Variants in EPAS1 observed in about 807,000 individuals in gnomAD.
EPAS1 encodes endothelial PAS domain protein 1, also known as endothelial PAS domain-containing protein 1.
Under a neutral mutation model 87.9 loss-of-function variants are expected in EPAS1, and 23 were observed. The ratio of observed to expected loss-of-function variants is 0.26; its 90% CI spans 0.19 to 0.37. The LOEUF is 0.37. Among genes scored for constraint, EPAS1 ranks in the 10% least tolerant of loss-of-function variants. EPAS1 has a pLI of 1.00. For synonymous variants in EPAS1, 508 were observed against 444.3 expected, an observed-to-expected ratio of 1.14 and a Z score of -1.80; for missense variants, 1,138 against 1,120.7, an observed-to-expected ratio of 1.02 and a Z score of -0.22.
At position 46,363,017 on chromosome 2, in the gene EPAS1, G is replaced by GTGGTGGTGGTGGTGGTGGTGATGA. The variant is rs1410002978; in HGVS notation, c.779+1929_779+1930insGTGGTGGTGGTGGTGGTGATGATG. Among the ~76,000 whole-genome samples the GTGGTGGTGGTGGTGGTGGTGATGA allele has an allele frequency of 7.4e-4, 107 of 144,362 alleles. 2 individuals carry two copies. The highest frequency in any genetic ancestry group is 2.5e-3 in the African/African-American group (98 of 38,440). The allele number at this position is 144,362 out of a possible 152,430, so 94.7% of individuals were successfully genotyped here. A position where few individuals can be genotyped will look rare whatever the true frequency, so the allele number is the denominator to read the frequency against. The stretch of plus-strand genomic sequence containing the variant: ...GGTGGTGGTGGTGGTGGTGGTGGTG[G>GTGGTGGTGGTGGTGGTGGTGATGA]TGATAATGATGGTGGTTCAAGAAGA... On this transcript the variant is annotated intron_variant, in intron 6 of 15. Coordinates refer to ENST00000263734, the MANE Select transcript of EPAS1 (RefSeq NM_001430.5).
chr2:46,366,048 G>A (rs960413685), intron 6 of EPAS1, among the ~76,000 whole-genome samples: 5 of 152,236 alleles, frequency 3.3e-5, no homozygotes, highest in Admixed American at 3.3e-4. Flanking sequence ...CTTTACTCGT[G>A]TAGGGAACAG....
At chr2:46,348,341 C>A (rs1395514112) in intron 2 of EPAS1, among the ~76,000 whole-genome samples, 1 of 152,158 alleles carries the variant, frequency 6.6e-6, no homozygotes, top group East Asian at 1.9e-4. Context: ...GTGGGCTGAG[C>A]CCTGGCAAGG....
intron 4 of EPAS1, among the ~76,000 whole-genome samples, chr2:46,358,695 T>C (rs979341222): frequency 6.6e-6 from 1 of 152,240 alleles, no homozygotes; most frequent in African/African-American, 2.4e-5. Context: ...TGAGTAGAAC[T>C]TTAGATCTCT....
At position 46,375,940 on chromosome 2, in the gene EPAS1, G is replaced by T; in HGVS notation, c.1034+103G>T. The stretch of plus-strand genomic sequence containing the variant: ...CCTAGGAGATGCCAGGCCTCTCAGC[G>T]CCCTGGGCACCACCTCAGGGAGGTC... On this transcript the variant is annotated intron_variant, in intron 8 of 15. Coordinates refer to ENST00000263734, the MANE Select transcript of EPAS1 (RefSeq NM_001430.5). The surrounding 1 kb of genome is among the most constrained non-coding windows in gnomAD (Gnocchi z 4.1). The T allele has an allele frequency of 6.7e-7, 1 of 1,503,742 alleles. No individual in the cohort carries two copies. The highest frequency in any genetic ancestry group is 9.2e-7 in the Non-Finnish European group (1 of 1,084,434). 93.1% of individuals were successfully genotyped at this position (1,503,742 alleles called of 1,614,324 possible).
chr2:46,339,923 A>C (rs1455291397), intron 1 of EPAS1, among the ~76,000 whole-genome samples: 1 of 152,150 alleles, frequency 6.6e-6, no homozygotes, highest in Non-Finnish European at 1.5e-5. Flanking sequence ...GTCATGAGTT[A>C]ATCACCTCCC....
rs998276660 is a variant in EPAS1, at chr2:46,300,296, C to A, written c.26+2359C>A. Among the ~76,000 whole-genome samples the A allele has an allele frequency of 6.6e-6, 1 of 152,190 alleles. No individual in the cohort carries two copies. The highest frequency in any genetic ancestry group is 2.4e-5 in the African/African-American group (1 of 41,432). On this transcript the variant is annotated intron_variant, in intron 1 of 15. Coordinates refer to ENST00000263734, the MANE Select transcript of EPAS1 (RefSeq NM_001430.5). The surrounding 1 kb of genome is among the most constrained non-coding windows in gnomAD (Gnocchi z 4.1). ...AGGGGGCTCTCTGCTGATGATTCTGCCCACTAGTTCTTACATTTTGTGTTT... is the reference window on the plus strand; with the variant it reads ...AGGGGGCTCTCTGCTGATGATTCTGACCACTAGTTCTTACATTTTGTGTTT...
chr2:46,300,088 C>G lies in EPAS1; in HGVS notation c.26+2151C>G, dbSNP rs1466201680. Among the ~76,000 whole-genome samples, 1 of 149,564 alleles carries G rather than the reference C, an allele frequency of 6.7e-6. No homozygotes were observed. Among genetic ancestry groups the G allele is most frequent in the Non-Finnish European group, 1.5e-5 (1 of 68,032 alleles). On this transcript the variant is annotated intron_variant, in intron 1 of 15. Transcript: ENST00000263734. This position sits in a 1 kb window ranked among gnomAD's most constrained non-coding sequence, Gnocchi z 4.1. ...AGCCCCTTAAGGGGTTGTCCAATTC[C>G]TATTGGGCTAATCAGTTTGAGACTC...
intron 2 of EPAS1, 142 bp from the exon 3 acceptor site, chr2:46,356,009 C>T (rs1684261982): frequency 5.7e-6 from 5 of 872,950 alleles, no homozygotes; most frequent in South Asian, 1.4e-5. Context: ...CGGAGGCAGA[C>T]ATTCAGATGG....
intron 12 of EPAS1, 148 bp from the exon 13 acceptor site, chr2:46,381,448 G>T: frequency 7.7e-7 from 1 of 1,296,466 alleles, no homozygotes; most frequent in Non-Finnish European, 1.1e-6. Context: ...GCCTGCAGGT[G>T]CACAGCCTGC....
chr2:46,359,632 CAT>C (rs1684348289), intron 4 of EPAS1, among the ~76,000 whole-genome samples: 1 of 152,160 alleles, frequency 6.6e-6, no homozygotes, highest in South Asian at 2.1e-4. Flanking sequence ...TCCTTTGACA[CAT>C]AACTCTTCAG....
intron 6 of EPAS1, among the ~76,000 whole-genome samples, chr2:46,365,090 T>A (rs545886121): frequency 6.6e-6 from 1 of 152,352 alleles, no homozygotes; most frequent in East Asian, 1.9e-4. Flanking sequence ...AAGAGGTAAC[T>A]GTGAAGGAAG....
intron 1 of EPAS1, among the ~76,000 whole-genome samples, chr2:46,324,198 C>T (rs1370821364): frequency 6.6e-6 from 1 of 152,184 alleles, no homozygotes; most frequent in African/African-American, 2.4e-5. Flanking sequence ...TCCTGAGTAG[C>T]TGGGACTACA....
In EPAS1 at chr2:46,375,594, C is replaced by G; in HGVS notation, c.887-96C>G. 6.8e-7 allele frequency: 1 copy of G among 1,473,400 alleles called. No individual in the cohort carries two copies. Among genetic ancestry groups the G allele is most frequent in the South Asian group, 1.2e-5 (1 of 82,520 alleles). 91.3% of individuals were successfully genotyped at this position (1,473,400 alleles called of 1,614,324 possible). A position where few individuals can be genotyped will look rare whatever the true frequency, so the allele number is the denominator to read the frequency against. On this transcript the variant is annotated intron_variant, in intron 7 of 15. Transcript: ENST00000263734. The surrounding 1 kb of genome is among the most constrained non-coding windows in gnomAD (Gnocchi z 4.1). ...GTGGCGCCCTGTTCTGTCTGTTCCCCTGCAGATTAGACTGCCCTCCCATGC... is the reference window on the plus strand; with the variant it reads ...GTGGCGCCCTGTTCTGTCTGTTCCCGTGCAGATTAGACTGCCCTCCCATGC...
At chr2:46,354,974 T>A (rs145743090) in intron 2 of EPAS1, among the ~76,000 whole-genome samples, 3 of 152,124 alleles carry the variant, frequency 2.0e-5, no homozygotes, top group Admixed American at 2.0e-4. Context: ...TGAAATCTGT[T>A]TTTTCTAAGA....
At chr2:46,353,196 T>A (rs928915442) in intron 2 of EPAS1, among the ~76,000 whole-genome samples, 1 of 152,172 alleles carries the variant, frequency 6.6e-6, no homozygotes, top group Non-Finnish European at 1.5e-5. Context: ...CTCACTCATC[T>A]CCAAAATAAG....
chr2:46,297,642 TTTTCGGGTCTGACAGCCTCCA>T lies in EPAS1; in HGVS notation c.-269_-249del. 2.0e-6 allele frequency: 1 copy of T among 511,812 alleles called. No individual in the cohort carries two copies. Among genetic ancestry groups the T allele is most frequent in the Non-Finnish European group, 3.5e-6 (1 of 286,650 alleles). The allele number at this position is 511,812 out of a possible 1,614,324, so 31.7% of individuals were successfully genotyped here. On this transcript the variant is annotated 5_prime_UTR_variant, in exon 1 of 16. It removes the in-frame stop codon of an upstream open reading frame in the 5' UTR. Coordinates refer to ENST00000263734, the MANE Select transcript of EPAS1 (RefSeq NM_001430.5). ...CTTGGGTTCCCTTCTCTCCGTCCTC[TTTTCGGGTCTGACAGCCTCCA>T]CCCACTCCTTCCCCGGACCCCGCCT...
In EPAS1 at chr2:46,332,404, G is replaced by A. The variant is rs1437746567; in HGVS notation, c.27-14469G>A. ...AGATGACATTATCTCTAATAAAAGT[G>A]ATTTGCAGAAATCACTGACGGGACC... On this transcript the variant is annotated intron_variant, in intron 1 of 15. Coordinates refer to ENST00000263734, the MANE Select transcript of EPAS1 (RefSeq NM_001430.5). 3.3e-5 allele frequency among the ~76,000 whole-genome samples: 5 copies of A among 151,428 alleles called. No homozygotes were observed. The East Asian group carries it at 9.9e-4, about 30-fold the overall frequency.
intron 1 of EPAS1, among the ~76,000 whole-genome samples, chr2:46,340,878 G>A (rs1189572755): frequency 6.6e-6 from 1 of 152,006 alleles, no homozygotes; most frequent in Non-Finnish European, 1.5e-5. Context: ...GTGTGCCACC[G>A]TGCCCAGCTA....
rs755410686 is a variant in EPAS1 at position 46,371,954 on chromosome 2, C to T, written c.886+2021C>T. ...CTGTCAAAGGAAAAAAAAATTGTGA[C>T]TTCTGACTAGGCATATAGAAAGGAT... On this transcript the variant is annotated intron_variant, in intron 7 of 15. Transcript: ENST00000263734. The surrounding 1 kb of genome is among the most constrained non-coding windows in gnomAD (Gnocchi z 4.3). Among the ~76,000 whole-genome samples, 6 of 152,190 alleles carry T rather than the reference C, an allele frequency of 3.9e-5. No individual in the cohort carries two copies. Among genetic ancestry groups the T allele is most frequent in the Non-Finnish European group, 7.3e-5 (5 of 68,046 alleles).
Sources: allele counts gnomAD v4.1 joint callset (sites outside exome capture counted in the v4.1 genomes callset), GRCh38; gene constraint gnomAD v4.1.1; non-coding constraint Gnocchi (gnomAD v3.1); transcripts MANE v1.5; gene names NCBI Gene and HGNC (gene_info 2026-07-23, HGNC 2026-07-21).